PTPN4: variants seen among roughly 807,000 people sequenced by gnomAD.
The protein encoded by PTPN4 is tyrosine-protein phosphatase non-receptor type 4.
A neutral mutation model predicts 135.5 loss-of-function variants in PTPN4; 49 were observed. The ratio of observed to expected loss-of-function variants is 0.36; its 90% CI spans 0.29 to 0.46. The LOEUF is 0.46. Among genes scored for constraint, PTPN4 ranks in the 20% least tolerant of loss-of-function variants. The pLI is 1.00. For missense variants in PTPN4, 860 were observed against 1,101.0 expected (o/e 0.78, Z 3.10); for synonymous variants, 333 against 369.9 (o/e 0.90, Z 1.14).
At chr2:119,914,110 A>T (rs911418317) in intron 10 of PTPN4, among the ~76,000 whole-genome samples, 1 of 152,098 alleles carries the variant, frequency 6.6e-6, no homozygotes, top group African/African-American at 2.4e-5. Flanking sequence ...AAACTGGCCT[A>T]GATTTCCTTT....
chr2:119,773,735 C>CAAA lies in PTPN4; in HGVS notation c.-18+13366_-18+13368dup, dbSNP rs59142325. 3.0e-3 allele frequency among the ~76,000 whole-genome samples: 328 copies of CAAA among 108,328 alleles called. 2 individuals carry two copies. The highest frequency in any genetic ancestry group is 5.3e-3 in the Non-Finnish European group (277 of 52,660). 71.1% of individuals were successfully genotyped at this position (108,328 alleles called of 152,430 possible). The stretch of plus-strand genomic sequence containing the variant: ...TGGGTGACAGAGCAAGACTCTGTCT[C>CAAA]AAAAAAAAAAAAAAAAACTAAAAAG... On this transcript the variant is annotated intron_variant, in intron 1 of 26. Transcript: ENST00000263708.
rs1225107897 is a variant in PTPN4 at position 119,979,686 on chromosome 2, G to A, written c.*2616G>A. 2.0e-5 allele frequency: 3 copies of A among 151,908 alleles called. No homozygotes were observed. Among genetic ancestry groups the A allele is most frequent in the Non-Finnish European group, 2.9e-5 (2 of 67,930 alleles). 9.4% of individuals were successfully genotyped at this position (151,908 alleles called of 1,614,324 possible). A position where few individuals can be genotyped will look rare whatever the true frequency, so the allele number is the denominator to read the frequency against. On this transcript the variant is annotated 3_prime_UTR_variant, in exon 27 of 27. Transcript: ENST00000263708. ...CATACACCATGTAGTTCTAGACTCC[G>A]TCCATATCAGTGTAACATTGTGTGA... is the stretch of plus-strand genomic sequence containing the variant.
chr2:119,793,552 A>G (rs934078011), intron 1 of PTPN4, among the ~76,000 whole-genome samples: 1 of 152,214 alleles, frequency 6.6e-6, no homozygotes, highest in Non-Finnish European at 1.5e-5. Flanking sequence ...TAAAGTAAAG[A>G]CAGACATAGG....
rs564725329 is a variant in PTPN4 at position 119,932,414 on chromosome 2, A to G, written c.1071-10A>G. 6.3e-7 allele frequency: 1 copy of G among 1,581,738 alleles called. No homozygotes were observed. Among genetic ancestry groups the G allele is most frequent in the East Asian group, 2.3e-5 (1 of 42,930 alleles). On this transcript the variant is annotated splice_polypyrimidine_tract_variant and intron_variant, in intron 13 of 26. Coordinates refer to ENST00000263708, the MANE Select transcript of PTPN4 (RefSeq NM_002830.4). ...AAACTTTTAACATATTATTTAATTT[A>G]TTTCTGCAGATCCCCAAGTAAGCCC...
Position 119,953,858 on chromosome 2 carries a change from A to C in PTPN4, c.1814-1299A>C, listed in dbSNP as rs900416594. ...AGAGCCAGAATATGAACAAAAATCC[A>C]TATGATGGCAAAGACCCAGCCTTTT... is the stretch of plus-strand genomic sequence containing the variant. On this transcript the variant is annotated intron_variant, in intron 19 of 26. Coordinates refer to ENST00000263708, the MANE Select transcript of PTPN4 (RefSeq NM_002830.4). 1.7e-4 allele frequency among the ~76,000 whole-genome samples: 26 copies of C among 152,294 alleles called. 1 individual carries two copies. Among genetic ancestry groups the C allele is most frequent in the Admixed American group, 3.3e-4 (5 of 15,300 alleles).
At chr2:119,948,296 A>C (rs1679164850) in intron 18 of PTPN4, among the ~76,000 whole-genome samples, 2 of 152,136 alleles carry the variant, frequency 1.3e-5, no homozygotes, top group Admixed American at 6.5e-5. Context: ...TAAATACAGA[A>C]AGATATATCT....
At chr2:119,894,096 C>T (rs953874636) in intron 9 of PTPN4, among the ~76,000 whole-genome samples, 1 of 152,160 alleles carries the variant, frequency 6.6e-6, no homozygotes, top group Non-Finnish European at 1.5e-5. Context: ...CTCCACTTTA[C>T]AGATGAGGAA....
At chr2:119,965,672 T>C (rs570213650) in intron 25 of PTPN4, 27 bp downstream of exon 25, 29 of 1,598,830 alleles carry the variant, frequency 1.8e-5, no homozygotes, top group African/African-American at 1.6e-4. Flanking sequence ...CTTTTATGAG[T>C]GTATAGCTGA....
In PTPN4 at chr2:119,974,407, C is replaced by G. The variant is rs186829830; in HGVS notation, c.2695-2577C>G. Among the ~76,000 whole-genome samples the G allele has an allele frequency of 5.9e-5, 9 of 152,238 alleles. No individual in the cohort carries two copies. In the East Asian group the frequency reaches 1.7e-3, roughly 29 times the overall value. ...TGTTTTTAGTAGAGATGGGGTTTCT[C>G]CATGTTGGTCAGGCTGATCTTGAAC... is the stretch of plus-strand genomic sequence containing the variant. On this transcript the variant is annotated intron_variant, in intron 26 of 26. Coordinates refer to ENST00000263708, the MANE Select transcript of PTPN4 (RefSeq NM_002830.4).
chr2:119,855,441 G>C lies in PTPN4; in HGVS notation c.139-7095G>C, dbSNP rs374634416. On this transcript the variant is annotated intron_variant, in intron 2 of 26. Coordinates refer to ENST00000263708, the MANE Select transcript of PTPN4 (RefSeq NM_002830.4). ...ATATAGCCCTGTTCCTTGAAGGGAC[G>C]GTTCTAAGTTGTGGCTTGTGAGAGA... 1.3e-5 allele frequency among the ~76,000 whole-genome samples: 2 copies of C among 152,242 alleles called. 1 individual carries two copies. The highest frequency in any genetic ancestry group is 4.8e-5 in the African/African-American group (2 of 41,556).
intron 3 of PTPN4, among the ~76,000 whole-genome samples, chr2:119,871,781 A>G (rs905168512): frequency 6.6e-6 from 1 of 152,250 alleles, no homozygotes; most frequent in East Asian, 1.9e-4. Context: ...TATAGAAAAC[A>G]AAAGGATAAA....
intron 2 of PTPN4, among the ~76,000 whole-genome samples, chr2:119,836,954 C>T (rs1677303885): frequency 6.6e-6 from 1 of 152,184 alleles, no homozygotes. Context: ...GCTCCAGCAG[C>T]CTGGGCACCG....
intron 1 of PTPN4, among the ~76,000 whole-genome samples, chr2:119,790,859 T>C (rs978316513): frequency 2.0e-5 from 3 of 152,194 alleles, no homozygotes; most frequent in African/African-American, 4.8e-5. Flanking sequence ...ATTTTTTCTT[T>C]GTGATTGCCC....
intron 1 of PTPN4, among the ~76,000 whole-genome samples, chr2:119,787,429 C>G (rs968750515): frequency 3.3e-5 from 5 of 152,134 alleles, no homozygotes; most frequent in African/African-American, 9.7e-5. Context: ...TATTCAAGAT[C>G]TATACATTAT....
intron 2 of PTPN4, among the ~76,000 whole-genome samples, chr2:119,824,047 TG>T (rs773723508): frequency 6.6e-6 from 1 of 152,256 alleles, no homozygotes; most frequent in Non-Finnish European, 1.5e-5. Flanking sequence ...CTAGACTTCC[TG>T]TTTCCCCCAG....
rs571888215 is a variant in PTPN4, at chr2:119,906,617, CCTTCATGATAAAAA to C, written c.764+5814_764+5827del. 3.2e-3 allele frequency among the ~76,000 whole-genome samples: 492 copies of C among 152,246 alleles called. 2 individuals are homozygous for C. Among genetic ancestry groups the C allele is most frequent in the African/African-American group, 0.011 (465 of 41,556 alleles). On this transcript the variant is annotated intron_variant, in intron 10 of 26. Coordinates refer to ENST00000263708, the MANE Select transcript of PTPN4 (RefSeq NM_002830.4). ...AAAGCATTTGATAAAATTCAACATC[CCTTCATGATAAAAA>C]CTCTCAACAAATTAGGTGTAGAAGA...
intron 15 of PTPN4, among the ~76,000 whole-genome samples, chr2:119,939,685 A>G (rs1399870970): frequency 1.3e-5 from 2 of 152,126 alleles, no homozygotes; most frequent in South Asian, 2.1e-4. Flanking sequence ...GAATCTCCGC[A>G]GCTTTGTCTA....
chr2:119,842,134 T>C (rs1338240311), intron 2 of PTPN4, among the ~76,000 whole-genome samples: 4 of 152,148 alleles, frequency 2.6e-5, no homozygotes, highest in Non-Finnish European at 5.9e-5. Flanking sequence ...CTCAGAAAGA[T>C]AAGGAAGGCT....
chr2:119,837,011 G>A (rs1574360743), intron 2 of PTPN4, among the ~76,000 whole-genome samples: 2 of 152,348 alleles, frequency 1.3e-5, no homozygotes, highest in Admixed American at 6.5e-5. Context: ...GCTTCTGGGC[G>A]TAAAGGGGAA....
Sources: allele counts gnomAD v4.1 joint callset (sites outside exome capture counted in the v4.1 genomes callset), GRCh38; gene constraint gnomAD v4.1.1; transcripts MANE v1.5; gene names NCBI Gene and HGNC (gene_info 2026-07-23, HGNC 2026-07-21).